The following RBM3 variants were observed in gnomAD, a reference collection of about 807,000 sequenced individuals.
RBM3 encodes RNA-binding protein 3.
RBM3 carries 3 observed loss-of-function variants against 12.0 expected under a neutral mutation model. The ratio of observed to expected loss-of-function variants is 0.25; its 90% CI spans 0.11 to 0.65. The LOEUF is 0.65. RBM3 is among the 30% of genes least tolerant of loss of function. RBM3 has a pLI of 0.84. For synonymous variants in RBM3, 58 were observed against 45.7 expected (o/e 1.27, Z -1.08); for missense variants, 108 against 134.5 (o/e 0.80, Z 0.97).
At chrX:48,575,476 C>T in intron 2 of RBM3, 85 bp from the exon 3 acceptor site, 1 of 903,023 alleles carries the variant, frequency 1.1e-6, no homozygotes, top group South Asian at 2.3e-5. Flanking sequence ...CTACCTATGC[C>T]ATCTCCTTTT....
chrX:48,576,047 A>G, intron 3 of RBM3: 1 of 1,063,494 alleles, frequency 9.4e-7, no homozygotes, highest in Non-Finnish European at 1.2e-6. Context: ...AGCTTAGAGG[A>G]GTGGGGAGGA....
rs1026716807 is a variant in RBM3 at position 48,579,200 on chromosome X, C to T, written c.*1759C>T. ...TATTGAGGCCCCATGGGTGTTATCC[C>T]TCCATTGGTTCTAGTTTGGAACAGA... On this transcript the variant is annotated 3_prime_UTR_variant, in exon 7 of 7. Coordinates refer to ENST00000376759, the MANE Select transcript of RBM3 (RefSeq NM_006743.5). 1 of 111,429 alleles carries T rather than the reference C, an allele frequency of 9.0e-6. No individual in the cohort carries two copies. Among genetic ancestry groups the T allele is most frequent in the Non-Finnish European group, 1.9e-5 (1 of 53,070 alleles). 9.2% of individuals were successfully genotyped at this position (111,429 alleles called of 1,213,427 possible).
intron 2 of RBM3, 133 bp from the exon 3 acceptor site, chrX:48,575,428 G>A: frequency 1.3e-6 from 1 of 789,953 alleles, no homozygotes; most frequent in Non-Finnish European, 1.8e-6. Flanking sequence ...AGGATGAGGG[G>A]AAGCGTCTTT....
rs375715695 is a variant in RBM3 at position 48,576,382 on chromosome X, C to A, written c.279C>A (p.Gly93=). The A allele has an allele frequency of 1.1e-5, 13 of 1,209,328 alleles. No homozygotes were observed. The highest frequency in any genetic ancestry group is 1.3e-5 in the Non-Finnish European group (12 of 895,027). The part of the protein sequence containing the change: ...GKSARGTRGG[G]FGAHGRGRSY... ...CTGCTCGGGGAACCAGAGGAGGTGG[C>A]TTTGGGGCCCATGGGCGTGGTCGCA... is the stretch of plus-strand genomic sequence containing the variant. The change falls in exon 4 of 7, where the codon GGC becomes GGA. Residue 93 remains glycine (G), a synonymous_variant. Transcript: ENST00000376759.
Position 48,577,671 on chromosome X carries a change from C to T in RBM3, c.*230C>T, listed in dbSNP as rs11537784. ...GCCTATTTAAAGACAAATTATGGGA[C>T]GTTTGTAGAACCTGAGTATTTTTCT... On this transcript the variant is annotated 3_prime_UTR_variant, in exon 7 of 7. Coordinates refer to ENST00000376759, the MANE Select transcript of RBM3 (RefSeq NM_006743.5). 5 of 206,566 alleles carry T rather than the reference C, an allele frequency of 2.4e-5. No individual in the cohort carries two copies. The highest frequency in any genetic ancestry group is 3.3e-5 in the Non-Finnish European group (4 of 120,988). The allele number at this position is 206,566 out of a possible 1,213,427, so 17.0% of individuals were successfully genotyped here.
rs782521750 is a variant in RBM3, at chrX:48,580,557, C to T, written c.*3116C>T. Among the ~76,000 whole-genome samples the T allele has an allele frequency of 6.7e-4, 74 of 111,142 alleles. No homozygotes were observed. The highest frequency in any genetic ancestry group is 1.8e-3 in the African/African-American group (56 of 30,606). ...GATTACAGGTGCCTGCCACCACGCC[C>T]GGCTAATTTTTGTATTAATAGAGAC... is the stretch of plus-strand genomic sequence containing the variant. On this transcript the variant is annotated 3_prime_UTR_variant, in exon 7 of 7. Transcript: ENST00000376759.
intron 6 of RBM3, 174 bp from the exon 7 acceptor site, chrX:48,577,291 G>A (rs1861498643): frequency 9.6e-7 from 1 of 1,044,034 alleles, no homozygotes; most frequent in South Asian, 2.4e-5. Context: ...AGTTTGCTAG[G>A]GGGTGGGATC....
rs1303280536 is a variant in RBM3 at position 48,578,062 on chromosome X, C to A, written c.*621C>A. The A allele has an allele frequency of 1.8e-5, 2 of 109,774 alleles. No individual in the cohort carries two copies. The highest frequency in any genetic ancestry group is 3.3e-5 in the African/African-American group (1 of 30,133). 9.0% of individuals were successfully genotyped at this position (109,774 alleles called of 1,213,427 possible). ...CGCCACTGTACTCCAGCCTGGGCAA[C>A]AGCGAGACTCCATCTCAAAAAAAAA... On this transcript the variant is annotated 3_prime_UTR_variant, in exon 7 of 7. Transcript: ENST00000376759.
At chrX:48,575,387 C>G (rs997287919) in intron 2 of RBM3, 104 bp downstream of exon 2, 5 of 864,214 alleles carry the variant, frequency 5.8e-6, no homozygotes, top group Non-Finnish European at 8.3e-6. Flanking sequence ...CCTCCAAATT[C>G]TTTTTCTTCC....
At position 48,576,537 on chromosome X, in the gene RBM3, A is replaced by G. The variant is rs1556989295; in HGVS notation, c.346A>G (p.Arg116Gly). Residue 116 changes from arginine to glycine, a missense_variant, in exon 5 of 7, where the codon AGG (arginine) becomes GGG (glycine). By Grantham distance (125) the Arg-to-Gly change is moderately radical. Around this residue, in one of 2 missense-constraint regions of RBM3, gnomAD observed 65 missense variants for 54.9 expected, o/e 1.18. Transcript: ENST00000376759. The part of the protein sequence containing the change: ...GGGDQGYGSG[R>G]YYDSRPGGYG... ...TGGGGACCAGGGCTATGGGAGTGGC[A>G]GGTATTATGACAGTCGACCTGGAGG... is the stretch of plus-strand genomic sequence containing the variant. 31 of 1,191,008 alleles carry G rather than the reference A, an allele frequency of 2.6e-5. No homozygotes were observed. Among genetic ancestry groups the G allele is most frequent in the Non-Finnish European group, 3.3e-5 (29 of 884,466 alleles).
rs1254937617 is a variant in RBM3 at position 48,579,640 on chromosome X, G to A, written c.*2199G>A. 1.8e-5 allele frequency: 2 copies of A among 111,883 alleles called. No individual in the cohort carries two copies. Among genetic ancestry groups the A allele is most frequent in the African/African-American group, 3.3e-5 (1 of 30,706 alleles). The allele number at this position is 111,883 out of a possible 1,213,427, so 9.2% of individuals were successfully genotyped here. ...CTGCTGTGAATGCCTTGTAGGTCGG[G>A]GGATTGGAGGGGGTCCTCTGCTCCC... On this transcript the variant is annotated 3_prime_UTR_variant, in exon 7 of 7. Coordinates refer to ENST00000376759, the MANE Select transcript of RBM3 (RefSeq NM_006743.5).
intron 2 of RBM3, 90 bp downstream of exon 2, chrX:48,575,373 C>A: frequency 1.1e-6 from 1 of 910,948 alleles, no homozygotes; most frequent in African/African-American, 2.0e-5. Flanking sequence ...AGTTAGGACC[C>A]ACGCCTCCAA....
At chrX:48,576,449 G>C in intron 4 of RBM3, 30 bp downstream of exon 4, 2 of 1,202,573 alleles carry the variant, frequency 1.7e-6, no homozygotes, top group African/African-American at 3.5e-5. Context: ...TGATCATGGG[G>C]TGAGAGGGAG....
chrX:48,574,883 A>AACGCAGGGATGTTCTGGGCTT (rs1556988867), intron 1 of RBM3: 1 of 402,596 alleles, frequency 2.5e-6, no homozygotes, highest in Non-Finnish European at 4.6e-6. Context: ...GCGTTAAGGG[A>AACGCAGGGATGTTCTGGGCTT]ACGCAGGGAT....
intron 2 of RBM3, 113 bp downstream of exon 2, chrX:48,575,396 C>G: frequency 2.3e-6 from 2 of 857,290 alleles, no homozygotes; most frequent in Non-Finnish European, 3.4e-6. Flanking sequence ...TCTTTTTCTT[C>G]CTAAGCCTAT....
Position 48,574,527 on chromosome X carries a change from C to T in RBM3, c.-60C>T, listed in dbSNP as rs782673480. On this transcript the variant is annotated 5_prime_UTR_variant, in exon 1 of 7. Transcript: ENST00000376759. ...CAGCCCCGTCCCTGTTTTTTGTGCTCCTCCGAGCTCGCTGTTCGTCCGGGT... is the reference window on the plus strand; with the variant it reads ...CAGCCCCGTCCCTGTTTTTTGTGCTTCTCCGAGCTCGCTGTTCGTCCGGGT... 3 of 332,256 alleles carry T rather than the reference C, an allele frequency of 9.0e-6. No homozygotes were observed. The highest frequency in any genetic ancestry group is 4.4e-4 in the Middle Eastern group (1 of 2,277). 27.4% of individuals were successfully genotyped at this position (332,256 alleles called of 1,213,427 possible).
At chrX:48,575,037 G>A in intron 1 of RBM3, 131 bp from the exon 2 acceptor site, 1 of 507,928 alleles carries the variant, frequency 2.0e-6, no homozygotes, top group Admixed American at 3.0e-5. Flanking sequence ...CAGCTTTTCT[G>A]TAGTTACCCA....
rs1398588969 is a variant in RBM3, at chrX:48,577,909, C to T, written c.*468C>T. 2 of 122,703 alleles carry T rather than the reference C, an allele frequency of 1.6e-5. No homozygotes were observed. Among genetic ancestry groups the T allele is most frequent in the African/African-American group, 6.5e-5 (2 of 30,717 alleles). 10.1% of individuals were successfully genotyped at this position (122,703 alleles called of 1,213,427 possible). ...CAGCCTGACCAACATGGTGAAACCCCATCTGTACTAAACATAAAAAAATTA... is the reference window on the plus strand; with the variant it reads ...CAGCCTGACCAACATGGTGAAACCCTATCTGTACTAAACATAAAAAAATTA... On this transcript the variant is annotated 3_prime_UTR_variant, in exon 7 of 7. Coordinates refer to ENST00000376759, the MANE Select transcript of RBM3 (RefSeq NM_006743.5).
rs1556990160 is a variant in RBM3 at position 48,580,050 on chromosome X, G to C, written c.*2609G>C. The stretch of plus-strand genomic sequence containing the variant: ...ATTTGTCAAGAACCCACTGAGGCTA[G>C]AAACCCCCCAAACACTCAAGGTACC... On this transcript the variant is annotated 3_prime_UTR_variant, in exon 7 of 7. Coordinates refer to ENST00000376759, the MANE Select transcript of RBM3 (RefSeq NM_006743.5). The C allele has an allele frequency of 9.0e-6, 1 of 111,313 alleles. No homozygotes were observed. Among genetic ancestry groups the C allele is most frequent in the Non-Finnish European group, 1.9e-5 (1 of 53,084 alleles). 9.2% of individuals were successfully genotyped at this position (111,313 alleles called of 1,213,427 possible). A position where few individuals can be genotyped will look rare whatever the true frequency, so the allele number is the denominator to read the frequency against.
Sources: allele counts gnomAD v4.1 joint callset (sites outside exome capture counted in the v4.1 genomes callset), GRCh38; gene constraint gnomAD v4.1.1; regional missense constraint gnomAD v4.1.1; transcripts MANE v1.5; gene names NCBI Gene and HGNC (gene_info 2026-07-23, HGNC 2026-07-21).